Variants in LYPD6B observed in about 807,000 individuals in gnomAD.
LYPD6B encodes the protein ly6/PLAUR domain-containing protein 6B.
In LYPD6B, 17 loss-of-function variants were observed where a neutral mutation model predicts 22.8. The observed-to-expected ratio is 0.75, with a 90% confidence interval of 0.51 to 1.12. LYPD6B has a LOEUF of 1.12. LYPD6B is among the 50% of genes most tolerant of loss of function. LYPD6B has a pLI of 0.00. For synonymous variants in LYPD6B, 106 were observed against 91.6 expected, an observed-to-expected ratio of 1.16 and a Z score of -0.90; for missense variants, 221 against 258.3, an observed-to-expected ratio of 0.86 and a Z score of 0.99.
chr2:149,042,756 T>G (rs1251484300), intron 1 of LYPD6B, among the ~76,000 whole-genome samples: 1 of 152,186 alleles, frequency 6.6e-6, no homozygotes, highest in Non-Finnish European at 1.5e-5. Context: ...AAGAGTGCAG[T>G]CATTAGAAAC....
At chr2:149,181,199 G>C (rs1307251214) in intron 3 of LYPD6B, among the ~76,000 whole-genome samples, 1 of 152,086 alleles carries the variant, frequency 6.6e-6, no homozygotes, top group Admixed American at 6.5e-5. Context: ...TCTAATAATA[G>C]ACTGGCTGAG....
At chr2:149,179,119 A>G (rs937435358) in intron 3 of LYPD6B, among the ~76,000 whole-genome samples, 1 of 151,862 alleles carries the variant, frequency 6.6e-6, no homozygotes, top group Admixed American at 6.6e-5. Context: ...GCCTGCTCCC[A>G]CCTCCCACAG....
intron 1 of LYPD6B, among the ~76,000 whole-genome samples, chr2:149,122,865 T>C (rs1179501578): frequency 6.6e-6 from 1 of 152,204 alleles, no homozygotes; most frequent in African/African-American, 2.4e-5. Flanking sequence ...ATAGGCATAT[T>C]CTGGATCATT....
At chr2:149,178,810 T>G (rs1042501136) in intron 3 of LYPD6B, among the ~76,000 whole-genome samples, 1 of 152,150 alleles carries the variant, frequency 6.6e-6, no homozygotes, top group Admixed American at 6.6e-5. Context: ...TGTCAATAAA[T>G]CTGTCAAAGG....
At chr2:149,177,717 C>T (rs545929924) in intron 3 of LYPD6B, among the ~76,000 whole-genome samples, 25 of 151,994 alleles carry the variant, frequency 1.6e-4, no homozygotes, top group Middle Eastern at 3.2e-3. Context: ...CTTTAGCAGG[C>T]GATGTGCAGA....
chr2:149,089,807 C>A (rs1685566691), intron 1 of LYPD6B, among the ~76,000 whole-genome samples: 1 of 152,122 alleles, frequency 6.6e-6, no homozygotes, highest in African/African-American at 2.4e-5. Flanking sequence ...CAAAATATTT[C>A]AATGGTTCAA....
intron 1 of LYPD6B, among the ~76,000 whole-genome samples, chr2:149,082,220 G>A (rs911294420): frequency 6.6e-6 from 1 of 152,132 alleles, no homozygotes; most frequent in Non-Finnish European, 1.5e-5. Flanking sequence ...TAAGTCTTTT[G>A]AACTTTCTGA....
chr2:149,186,938 A>G (rs1692148308), intron 3 of LYPD6B, among the ~76,000 whole-genome samples: 1 of 152,166 alleles, frequency 6.6e-6, no homozygotes, highest in Admixed American at 6.5e-5. Flanking sequence ...AGCCACCCCA[A>G]CCTTTAGCAA....
At chr2:149,116,761 T>C (rs892685157) in intron 1 of LYPD6B, among the ~76,000 whole-genome samples, 2 of 152,162 alleles carry the variant, frequency 1.3e-5, no homozygotes, top group African/African-American at 4.8e-5. Flanking sequence ...GGAAGAGAAA[T>C]TGGATGAGAT....
In LYPD6B at chr2:149,170,592, CTTAATA is replaced by C. The variant is rs1690750066; in HGVS notation, c.77+9760_77+9765del. Among the ~76,000 whole-genome samples, 3 of 152,070 alleles carry C rather than the reference CTTAATA, an allele frequency of 2.0e-5. No individual in the cohort carries two copies. In the South Asian group the frequency reaches 6.2e-4, roughly 31 times the overall value. On this transcript the variant is annotated intron_variant, in intron 3 of 6. Coordinates refer to ENST00000409642, the MANE Select transcript of LYPD6B (RefSeq NM_177964.5). ...TCAAGGTTTAGTTTATTTCAAAAGT[CTTAATA>C]TTTATATTTATTACAGATCTAGAGA... is the stretch of plus-strand genomic sequence containing the variant.
At chr2:149,172,246 G>T (rs558731571) in intron 3 of LYPD6B, among the ~76,000 whole-genome samples, 9 of 152,276 alleles carry the variant, frequency 5.9e-5, no homozygotes, top group African/African-American at 2.2e-4. Flanking sequence ...AAGAATAGCA[G>T]CATGGGGATA....
intron 1 of LYPD6B, among the ~76,000 whole-genome samples, chr2:149,053,841 A>G (rs938886640): frequency 6.6e-6 from 1 of 152,064 alleles, no homozygotes; most frequent in African/African-American, 2.4e-5. Context: ...ATCCTACAAT[A>G]TGTGGTCTCT....
chr2:149,115,186 G>T (rs567204533), intron 1 of LYPD6B, among the ~76,000 whole-genome samples: 1 of 152,026 alleles, frequency 6.6e-6, no homozygotes, highest in Non-Finnish European at 1.5e-5. Context: ...TGATCCTCTC[G>T]CCTCGGCCTC....
In LYPD6B at chr2:149,214,853, C is replaced by A; in HGVS notation, c.*143C>A. The A allele has an allele frequency of 2.2e-6, 2 of 899,010 alleles. No individual in the cohort carries two copies. Among genetic ancestry groups the A allele is most frequent in the South Asian group, 1.5e-5 (1 of 64,660 alleles). 55.7% of individuals were successfully genotyped at this position (899,010 alleles called of 1,614,324 possible). On this transcript the variant is annotated 3_prime_UTR_variant, in exon 7 of 7. Transcript: ENST00000409642. The stretch of plus-strand genomic sequence containing the variant: ...CCTCAAGGCGAAAGCCAGTGGTTTG[C>A]TTGGATAAAATGTTCCCGCATGAGG...
At chr2:149,181,963 C>T (rs1691762584) in intron 3 of LYPD6B, among the ~76,000 whole-genome samples, 1 of 152,190 alleles carries the variant, frequency 6.6e-6, no homozygotes, top group South Asian at 2.1e-4. Flanking sequence ...AGCACCATGG[C>T]TGCCGTCTGG....
intron 1 of LYPD6B, among the ~76,000 whole-genome samples, chr2:149,086,524 C>G (rs1021551656): frequency 5.3e-5 from 8 of 152,142 alleles, no homozygotes; most frequent in African/African-American, 1.9e-4. Context: ...GAGTCTTACT[C>G]CAGGGTGTCA....
At chr2:149,086,732 T>C (rs549956657) in intron 1 of LYPD6B, among the ~76,000 whole-genome samples, 125 of 152,308 alleles carry the variant, frequency 8.2e-4, no homozygotes, top group African/African-American at 2.9e-3. Flanking sequence ...TTCACAATTC[T>C]GAGGCTGGGA....
chr2:149,083,622 G>T (rs1278070991), intron 1 of LYPD6B, among the ~76,000 whole-genome samples: 1 of 152,084 alleles, frequency 6.6e-6, no homozygotes, highest in African/African-American at 2.4e-5. Context: ...TGTATTTCCT[G>T]TAAACTGGAA....
chr2:149,187,137 A>G (rs995424950), intron 3 of LYPD6B, among the ~76,000 whole-genome samples: 40 of 152,186 alleles, frequency 2.6e-4, no homozygotes, highest in African/African-American at 9.2e-4. Flanking sequence ...AAACTAAAAC[A>G]TTTGTGTGAC....
Sources: allele counts gnomAD v4.1 joint callset (sites outside exome capture counted in the v4.1 genomes callset), GRCh38; gene constraint gnomAD v4.1.1; transcripts MANE v1.5; gene names NCBI Gene and HGNC (gene_info 2026-07-23, HGNC 2026-07-21).